ACTN1: variants seen among roughly 807,000 people sequenced by gnomAD.
ACTN1 encodes the protein alpha-actinin-1.
ACTN1 carries 30 observed loss-of-function variants against 119.6 expected under a neutral mutation model. The ratio of observed to expected loss-of-function variants is 0.25; its 90% CI spans 0.19 to 0.34. The LOEUF is 0.34. ACTN1 is among the 10% of genes least tolerant of loss of function. The pLI is 1.00. For synonymous variants in ACTN1, 429 were observed against 472.6 expected (o/e 0.91, Z 1.20); for missense variants, 764 against 1,223.4 (o/e 0.62, Z 5.60).
intron 8 of ACTN1, among the ~76,000 whole-genome samples, chr14:68,895,667 G>A (rs1255288302): frequency 3.3e-5 from 5 of 152,220 alleles, no homozygotes; most frequent in East Asian, 1.9e-4. Flanking sequence ...TAACTGGCAC[G>A]AAGCAACTGC....
At position 68,901,270 on chromosome 14, in the gene ACTN1, C is replaced by T. The variant is rs1453097136; in HGVS notation, c.762+1207G>A. 4.5e-5 allele frequency among the ~76,000 whole-genome samples: 5 copies of T among 110,998 alleles called. No homozygotes were observed. The Admixed American group carries it at 6.0e-4, about 13-fold the overall frequency. 72.8% of individuals were successfully genotyped at this position (110,998 alleles called of 152,430 possible). ...TTTTGTTTTTTTTTTTTTTTTGAGA[C>T]AGAGTCTGACTCTGTCACCCAGGCT... On this transcript the variant is annotated intron_variant, in intron 8 of 21. Transcript: ENST00000394419.
At chr14:68,894,738 T>G (rs1346501848) in intron 8 of ACTN1, among the ~76,000 whole-genome samples, 1 of 152,006 alleles carries the variant, frequency 6.6e-6, no homozygotes, top group Non-Finnish European at 1.5e-5. Flanking sequence ...AAGACAGACA[T>G]GCATCCTGAG....
At chr14:68,921,162 C>T (rs780201571) in intron 2 of ACTN1, 37 bp from the exon 3 acceptor site, 26 of 1,610,282 alleles carry the variant, frequency 1.6e-5, no homozygotes, top group Middle Eastern at 1.7e-4. Flanking sequence ...GAAGGTGAGA[C>T]GCTATGAGCC....
chr14:68,929,211 T>C (rs918722696), intron 1 of ACTN1, among the ~76,000 whole-genome samples: 6 of 152,134 alleles, frequency 3.9e-5, no homozygotes, highest in Non-Finnish European at 8.8e-5. Context: ...CATACAACTA[T>C]ATCCTCCCCT....
rs377490208 is a variant in ACTN1, at chr14:68,966,777, G to A, written c.105+12175C>T. On this transcript the variant is annotated intron_variant, in intron 1 of 21. Transcript: ENST00000394419. ...ACCCTCAGCAGAGGGACTGGAAGGA[G>A]AAGGAAAACCAAGACCCAGGTTTTA... Among the ~76,000 whole-genome samples the A allele has an allele frequency of 1.2e-4, 19 of 152,274 alleles. No individual in the cohort carries two copies. The East Asian group carries it at 1.7e-3, about 14-fold the overall frequency.
chr14:68,907,947 A>G (rs2033766507), intron 6 of ACTN1, among the ~76,000 whole-genome samples: 1 of 152,186 alleles, frequency 6.6e-6, no homozygotes, highest in East Asian at 1.9e-4. Flanking sequence ...CCACCTGTAG[A>G]ATATTCCCCC....
Position 68,909,861 on chromosome 14 carries a change from T to C in ACTN1, c.515+94A>G. 7 of 1,066,086 alleles carry C rather than the reference T, an allele frequency of 6.6e-6. No individual in the cohort carries two copies. Among genetic ancestry groups the C allele is most frequent in the Non-Finnish European group, 9.9e-6 (7 of 708,704 alleles). 66.0% of individuals were successfully genotyped at this position (1,066,086 alleles called of 1,614,324 possible). A position where few individuals can be genotyped will look rare whatever the true frequency, so the allele number is the denominator to read the frequency against. ...TCTTCCCCCAGAGGTCTCCACTTTG[T>C]TCTAAAGCTGAGACTGACCCAGCCA... On this transcript the variant is annotated intron_variant, in intron 5 of 21. Transcript: ENST00000394419. This position sits in a 1 kb window ranked among gnomAD's most constrained non-coding sequence, Gnocchi z 4.1.
chr14:68,918,659 G>T (rs1349890003), intron 3 of ACTN1, among the ~76,000 whole-genome samples: 2 of 152,082 alleles, frequency 1.3e-5, no homozygotes, highest in African/African-American at 4.8e-5. Context: ...ACTTTGGGAG[G>T]CCGAGGCGGG....
chr14:68,928,920 G>A (rs763694374), intron 1 of ACTN1, among the ~76,000 whole-genome samples: 5 of 151,674 alleles, frequency 3.3e-5, no homozygotes, highest in East Asian at 1.9e-4. Context: ...TGGTGTGTTC[G>A]TGGGAGAGGG....
chr14:68,905,919 G>A (rs912600991), intron 6 of ACTN1, among the ~76,000 whole-genome samples: 13 of 150,604 alleles, frequency 8.6e-5, no homozygotes, highest in Admixed American at 6.0e-4. Context: ...GGAGGCAGAG[G>A]TTGCAATGAG....
At chr14:68,966,930 T>C (rs892754733) in intron 1 of ACTN1, among the ~76,000 whole-genome samples, 4 of 152,166 alleles carry the variant, frequency 2.6e-5, no homozygotes, top group Non-Finnish European at 5.9e-5. Context: ...GAGGGACATG[T>C]CAGTATGGCC....
intron 8 of ACTN1, among the ~76,000 whole-genome samples, chr14:68,895,733 G>A (rs1053739414): frequency 4.6e-5 from 7 of 152,260 alleles, no homozygotes; most frequent in Non-Finnish European, 5.9e-5. Flanking sequence ...CTGATCCATC[G>A]GCTCGATGGT....
intron 11 of ACTN1, 26 bp downstream of exon 11, chr14:68,890,113 G>A (rs772960018): frequency 2.5e-6 from 4 of 1,600,606 alleles, no homozygotes; most frequent in Non-Finnish European, 3.4e-6. Context: ...GCCCTGGGGG[G>A]AGGCAGGAGG....
At chr14:68,903,663 C>A (rs568938757) in intron 7 of ACTN1, among the ~76,000 whole-genome samples, 34 of 152,276 alleles carry the variant, frequency 2.2e-4, no homozygotes, top group Non-Finnish European at 2.2e-4. Flanking sequence ...CCAAGGAGAG[C>A]ACACAGGGAA....
At chr14:68,938,798 C>CT (rs2140479808) in intron 1 of ACTN1, among the ~76,000 whole-genome samples, 1 of 152,324 alleles carries the variant, frequency 6.6e-6, no homozygotes, top group Non-Finnish European at 1.5e-5. Context: ...CATCCACTGT[C>CT]TATTTAATCA....
intron 6 of ACTN1, among the ~76,000 whole-genome samples, chr14:68,908,665 G>C (rs1445401056): frequency 6.6e-6 from 1 of 152,158 alleles, no homozygotes; most frequent in Non-Finnish European, 1.5e-5. Context: ...AGTGTGGTCA[G>C]AGGGTCCAGG....
intron 1 of ACTN1, among the ~76,000 whole-genome samples, chr14:68,931,606 A>G (rs1260268957): frequency 2.6e-5 from 4 of 152,158 alleles, no homozygotes; most frequent in South Asian, 4.1e-4. Context: ...GGATCCACTG[A>G]GTGACCTTGT....
At chr14:68,948,902 C>T (rs1170515259) in intron 1 of ACTN1, among the ~76,000 whole-genome samples, 1 of 152,238 alleles carries the variant, frequency 6.6e-6, no homozygotes, top group Non-Finnish European at 1.5e-5. Flanking sequence ...ACGTGCAGAT[C>T]TCTGCCAGGG....
At chr14:68,969,653 C>T (rs2036817411) in intron 1 of ACTN1, among the ~76,000 whole-genome samples, 2 of 152,166 alleles carry the variant, frequency 1.3e-5, no homozygotes, top group African/African-American at 4.8e-5. Flanking sequence ...CCGACAGACA[C>T]AAGTGTTAAG....
Sources: allele counts gnomAD v4.1 joint callset (sites outside exome capture counted in the v4.1 genomes callset), GRCh38; gene constraint gnomAD v4.1.1; non-coding constraint Gnocchi (gnomAD v3.1); transcripts MANE v1.5; gene names NCBI Gene and HGNC (gene_info 2026-07-23, HGNC 2026-07-21).